Variants in ANGPT4 observed in about 807,000 individuals in gnomAD.
The protein encoded by ANGPT4 is angiopoietin-4.
Under a neutral mutation model 53.0 loss-of-function variants are expected in ANGPT4, and 50 were observed. The ratio of observed to expected loss-of-function variants is 0.94; its 90% CI spans 0.75 to 1.20. ANGPT4 has a LOEUF of 1.20. Ranked by LOEUF, ANGPT4 falls within the 50% of genes most tolerant of loss-of-function variation. The pLI, the probability that ANGPT4 is intolerant of heterozygous loss-of-function variation, is 0.00. For synonymous variants in ANGPT4, 251 were observed against 259.7 expected (o/e 0.97, Z 0.32); for missense variants, 648 against 637.1 (o/e 1.02, Z -0.18).
At chr20:912,301 CA>C (rs1982733877) in intron 1 of ANGPT4, among the ~76,000 whole-genome samples, 1 of 152,126 alleles carries the variant, frequency 6.6e-6, no homozygotes, top group Non-Finnish European at 1.5e-5. Context: ...CATCAAAGGT[CA>C]GGGGTAGGTG....
intron 1 of ANGPT4, among the ~76,000 whole-genome samples, chr20:912,046 GA>G (rs1982722510): frequency 6.6e-6 from 1 of 152,176 alleles, no homozygotes; most frequent in African/African-American, 2.4e-5. Flanking sequence ...GACTGGGGAA[GA>G]TGTGCTGCCC....
chr20:900,013 A>C (rs1175143443), intron 1 of ANGPT4, among the ~76,000 whole-genome samples: 1 of 152,148 alleles, frequency 6.6e-6, no homozygotes, highest in East Asian at 1.9e-4. Context: ...CACAAGGCAA[A>C]TGGTTCTTGG....
At chr20:876,144 C>CAAAAAA (rs3030778) in intron 7 of ANGPT4, among the ~76,000 whole-genome samples, 2 of 99,096 alleles carry the variant, frequency 2.0e-5, no homozygotes, top group African/African-American at 3.5e-5. Flanking sequence ...AGCCCTGTCT[C>CAAAAAA]AAAAAAAAAA....
intron 2 of ANGPT4, among the ~76,000 whole-genome samples, chr20:888,896 T>A (rs114680999): frequency 0.049 from 7,489 of 152,302 alleles, 207 homozygotes; most frequent in Middle Eastern, 0.092. Context: ...TCCCATCTCA[T>A]GTAGCGGAAA....
intron 1 of ANGPT4, among the ~76,000 whole-genome samples, chr20:915,486 A>G (rs1256854670): frequency 6.6e-6 from 1 of 152,122 alleles, no homozygotes; most frequent in Non-Finnish European, 1.5e-5. Flanking sequence ...AGTACTCTCT[A>G]ATGATCTGAC....
intron 2 of ANGPT4, among the ~76,000 whole-genome samples, chr20:889,320 G>A (rs752193191): frequency 2.6e-5 from 4 of 152,256 alleles, no homozygotes; most frequent in African/African-American, 7.2e-5. Flanking sequence ...ATGCAATTTC[G>A]TCATTGTGCA....
In ANGPT4 at chr20:914,341, A is replaced by AGG. The variant is rs1215719739; in HGVS notation, c.309+1563_309+1564dup. 1.3e-5 allele frequency among the ~76,000 whole-genome samples: 2 copies of AGG among 152,118 alleles called. No individual in the cohort carries two copies. The highest frequency in any genetic ancestry group is 2.9e-5 in the Non-Finnish European group (2 of 68,018). Reference sequence around the variant, plus strand: ...GTTATTTCGTACGGGGAGGACAAGGAGGGCCTCTGGGGAGATGGCGCTGGA... The same window carrying AGG: ...GTTATTTCGTACGGGGAGGACAAGGAGGGGGCCTCTGGGGAGATGGCGCTGGA... On this transcript the variant is annotated intron_variant, in intron 1 of 8. Coordinates refer to ENST00000381922, the MANE Select transcript of ANGPT4 (RefSeq NM_015985.4). The surrounding 1 kb of genome is among the most constrained non-coding windows in gnomAD (Gnocchi z 5.0).
At chr20:889,042 C>G (rs186854420) in intron 2 of ANGPT4, among the ~76,000 whole-genome samples, 3 of 152,186 alleles carry the variant, frequency 2.0e-5, no homozygotes, top group Admixed American at 1.3e-4. Flanking sequence ...CCTGCCAGCA[C>G]GTCCATCCTC....
chr20:884,117 C>T (rs1249464111), intron 4 of ANGPT4, among the ~76,000 whole-genome samples: 6 of 152,208 alleles, frequency 3.9e-5, no homozygotes, highest in Admixed American at 3.3e-4. Flanking sequence ...ATCAGGACAT[C>T]TCCACTCATG....
intron 6 of ANGPT4, 111 bp from the exon 7 acceptor site, chr20:878,438 C>T (rs1407191200): frequency 2.7e-6 from 3 of 1,099,518 alleles, no homozygotes; most frequent in Non-Finnish European, 3.8e-6. Context: ...AACCACTGTG[C>T]TTAATGATCG....
At chr20:879,969 T>C in intron 5 of ANGPT4, 121 bp from the exon 6 acceptor site, 4 of 538,160 alleles carry the variant, frequency 7.4e-6, no homozygotes, top group Non-Finnish European at 3.2e-6. Flanking sequence ...AGCCTGGGGG[T>C]CCTGGGCATC....
intron 4 of ANGPT4, 143 bp downstream of exon 4, chr20:884,932 ATTG>A (rs1156581231): frequency 2.6e-6 from 3 of 1,174,890 alleles, no homozygotes; most frequent in Non-Finnish European, 3.5e-6. Context: ...ATTACTGTTT[ATTG>A]TTGTTTCTAT....
At chr20:898,636 C>T (rs1222811365) in intron 1 of ANGPT4, among the ~76,000 whole-genome samples, 2 of 152,194 alleles carry the variant, frequency 1.3e-5, no homozygotes, top group African/African-American at 4.8e-5. Context: ...CTTAATGAAC[C>T]TTGCCTTCAA....
At chr20:904,781 C>T (rs531767328) in intron 1 of ANGPT4, among the ~76,000 whole-genome samples, 1 of 152,196 alleles carries the variant, frequency 6.6e-6, no homozygotes, top group Non-Finnish European at 1.5e-5. Flanking sequence ...CATGTGCCAC[C>T]AGGCCCAGCC....
chr20:872,870 G>A lies in ANGPT4; in HGVS notation c.*90C>T. The A allele has an allele frequency of 6.6e-7, 1 of 1,523,050 alleles. No individual in the cohort carries two copies. Among genetic ancestry groups the A allele is most frequent in the Non-Finnish European group, 8.9e-7 (1 of 1,118,498 alleles). The allele number at this position is 1,523,050 out of a possible 1,614,324, so 94.3% of individuals were successfully genotyped here. On this transcript the variant is annotated 3_prime_UTR_variant, in exon 9 of 9. Transcript: ENST00000381922. ...AGCCCAGGGTGTCAGGGAAGGCGGT[G>A]GCACAGTGTCTTGCATCTGGGTCCA...
At chr20:912,304 G>T (rs558554062) in intron 1 of ANGPT4, among the ~76,000 whole-genome samples, 2 of 152,290 alleles carry the variant, frequency 1.3e-5, no homozygotes, top group African/African-American at 4.8e-5. Context: ...CAAAGGTCAG[G>T]GGTAGGTGCT....
rs899241777 is a variant in ANGPT4 at position 882,653 on chromosome 20, G to A, written c.836-1367C>T. On this transcript the variant is annotated intron_variant, in intron 4 of 8. Transcript: ENST00000381922. ...AGGGAATTGGAGTCCAGCCAAGCAT[G>A]AGGAGGCTGTTGGCCTCAAGGTGAG... Among the ~76,000 whole-genome samples, 10 of 152,186 alleles carry A rather than the reference G, an allele frequency of 6.6e-5. No homozygotes were observed. The South Asian group carries it at 2.1e-3, about 32-fold the overall frequency.
At chr20:886,365 G>T (rs1981619766) in intron 3 of ANGPT4, among the ~76,000 whole-genome samples, 1 of 152,070 alleles carries the variant, frequency 6.6e-6, no homozygotes, top group African/African-American at 2.4e-5. Flanking sequence ...TAAAGGTGGA[G>T]AAAAAAATGA....
chr20:887,761 C>T (rs145612830), intron 3 of ANGPT4, among the ~76,000 whole-genome samples: 2 of 151,444 alleles, frequency 1.3e-5, no homozygotes, highest in East Asian at 3.9e-4. Context: ...GGAAAGGAAT[C>T]GTAGATAGCA....
Sources: allele counts gnomAD v4.1 joint callset (sites outside exome capture counted in the v4.1 genomes callset), GRCh38; gene constraint gnomAD v4.1.1; non-coding constraint Gnocchi (gnomAD v3.1); transcripts MANE v1.5; gene names NCBI Gene and HGNC (gene_info 2026-07-23, HGNC 2026-07-21).